SACS: variants seen among roughly 807,000 people sequenced by gnomAD.
The protein encoded by SACS is sacsin molecular chaperone, also known as sacsin.
A neutral mutation model predicts 348.0 loss-of-function variants in SACS; 197 were observed. The ratio of observed to expected loss-of-function variants is 0.57; its 90% CI spans 0.50 to 0.64. SACS has a LOEUF of 0.64. Ranked by LOEUF, SACS falls within the 30% of genes least tolerant of loss-of-function variation. The probability of loss-of-function intolerance (pLI) is 0.00; values close to 1 mark genes in which losing one functional copy is unlikely to be tolerated. For missense variants in SACS, 4,999 were observed against 5,360.8 expected (o/e 0.93, Z 2.11); for synonymous variants, 1,985 against 1,910.6 (o/e 1.04, Z -1.02).
At chr13:23,398,984 G>A (rs982074616) in intron 2 of SACS, among the ~76,000 whole-genome samples, 1 of 128,742 alleles carries the variant, frequency 7.8e-6, no homozygotes, top group Non-Finnish European at 1.6e-5. Flanking sequence ...TTGCGCCACT[G>A]CATTTCAGTC....
intron 1 of SACS, among the ~76,000 whole-genome samples, chr13:23,431,941 C>T (rs138509629): frequency 1.8e-3 from 276 of 152,312 alleles, no homozygotes; most frequent in African/African-American, 6.4e-3. Context: ...AGTGAGAAAA[C>T]GACAAAACTC....
At chr13:23,402,372 A>T (rs1014830624) in intron 2 of SACS, among the ~76,000 whole-genome samples, 8 of 152,184 alleles carry the variant, frequency 5.3e-5, no homozygotes, top group Non-Finnish European at 1.0e-4. Flanking sequence ...TATCTATAAC[A>T]GTTAAACTAC....
chr13:23,423,870 A>G (rs1874053976), intron 1 of SACS, among the ~76,000 whole-genome samples: 3 of 152,162 alleles, frequency 2.0e-5, no homozygotes, highest in African/African-American at 7.2e-5. Flanking sequence ...GTTTTTGTTA[A>G]ACAAGTTACA....
At chr13:23,346,604 T>A (rs1869624121) in intron 9 of SACS, among the ~76,000 whole-genome samples, 1 of 152,232 alleles carries the variant, frequency 6.6e-6, no homozygotes, top group South Asian at 2.1e-4. Context: ...CCAAGTCATT[T>A]GAATATGGTT....
chr13:23,414,230 G>C (rs76202007), intron 1 of SACS, among the ~76,000 whole-genome samples: 55 of 152,336 alleles, frequency 3.6e-4, no homozygotes, highest in African/African-American at 1.3e-3. Context: ...TGTGAACCCG[G>C]AAGGCGGAGC....
rs370230067 is a variant in SACS, at chr13:23,388,053, C to G, written c.21-12784G>C. ...AACAGTATGGAGATTCTTTAAAGAA[C>G]TAAAAGTAGATCTGCCATTCAATCC... On this transcript the variant is annotated intron_variant, in intron 2 of 9. Coordinates refer to ENST00000382292, the MANE Select transcript of SACS (RefSeq NM_014363.6). Among the ~76,000 whole-genome samples, 4 of 152,228 alleles carry G rather than the reference C, an allele frequency of 2.6e-5. No homozygotes were observed. In the East Asian group the frequency reaches 7.7e-4, roughly 29 times the overall value.
At chr13:23,379,555 C>G (rs184420621) in intron 2 of SACS, among the ~76,000 whole-genome samples, 14 of 152,300 alleles carry the variant, frequency 9.2e-5, no homozygotes, top group Non-Finnish European at 1.8e-4. Context: ...AATCTCTTCA[C>G]CTCAACCTCA....
rs763870704 is a variant in SACS at position 23,338,845 on chromosome 13, A to G, written c.5031T>C (p.Ser1677=). Residue 1677 remains serine (S), a synonymous_variant, in exon 10 of 10, where the codon AGT becomes AGC. Transcript: ENST00000382292. ...AAATGATAAGCCTGTGTCCACAGAG[A>G]CTAAATTCATCCACAAGAGAATAAA... is the stretch of plus-strand genomic sequence containing the variant. ...ADIYSLVDEF[S]LCGHRLIIFT... is the part of the protein sequence containing the mutation. The G allele has an allele frequency of 6.2e-7, 1 of 1,612,936 alleles. No individual in the cohort carries two copies. The highest frequency in any genetic ancestry group is 1.1e-5 in the South Asian group (1 of 90,988).
intron 2 of SACS, among the ~76,000 whole-genome samples, chr13:23,376,528 C>T (rs1025793967): frequency 2.6e-5 from 4 of 152,074 alleles, no homozygotes; most frequent in East Asian, 1.9e-4. Flanking sequence ...AATAAATTGC[C>T]ATTTCTCCCT....
At chr13:23,388,333 CAA>C (rs370915261) in intron 2 of SACS, among the ~76,000 whole-genome samples, 2 of 71,340 alleles carry the variant, frequency 2.8e-5, no homozygotes. Flanking sequence ...GACTTTGTCT[CAA>C]AAAAAAAAAA....
chr13:23,370,986 A>G (rs1871351392), intron 4 of SACS, 92 bp downstream of exon 4: 1 of 766,772 alleles, frequency 1.3e-6, no homozygotes, highest in South Asian at 1.8e-5. Context: ...GGCGAGACTC[A>G]GTTTCAAAAA....
chr13:23,398,599 G>T (rs1872811438), intron 2 of SACS, among the ~76,000 whole-genome samples: 1 of 151,962 alleles, frequency 6.6e-6, no homozygotes, highest in Admixed American at 6.6e-5. Flanking sequence ...CAAAGCAGGG[G>T]CTTCCAGGCT....
Position 23,330,017 on chromosome 13 carries a change from G to A in SACS, c.*119C>T. Reference sequence around the variant, plus strand: ...TCATAACAACTCCAGAATTCTCCAAGAACAATCTGCAATGTGCTTAACAAT... The same window carrying A: ...TCATAACAACTCCAGAATTCTCCAAAAACAATCTGCAATGTGCTTAACAAT... On this transcript the variant is annotated 3_prime_UTR_variant, in exon 10 of 10. Coordinates refer to ENST00000382292, the MANE Select transcript of SACS (RefSeq NM_014363.6). The A allele has an allele frequency of 1.1e-6, 1 of 917,570 alleles. No individual in the cohort carries two copies. Among genetic ancestry groups the A allele is most frequent in the Middle Eastern group, 3.2e-4 (1 of 3,120 alleles). 56.8% of individuals were successfully genotyped at this position (917,570 alleles called of 1,614,324 possible). A position where few individuals can be genotyped will look rare whatever the true frequency, so the allele number is the denominator to read the frequency against.
intron 1 of SACS, among the ~76,000 whole-genome samples, chr13:23,432,634 C>A (rs753123271): frequency 6.6e-5 from 10 of 152,148 alleles, no homozygotes; most frequent in Non-Finnish European, 1.3e-4. Context: ...ATCTACTTGT[C>A]ATGTGACAAA....
chr13:23,412,974 G>T (rs990957206), intron 1 of SACS, among the ~76,000 whole-genome samples: 6 of 152,104 alleles, frequency 3.9e-5, no homozygotes, highest in African/African-American at 1.2e-4. Context: ...TGAAAAATGA[G>T]AAACTTTTTT....
chr13:23,342,078 C>T (rs1389516720), intron 9 of SACS, among the ~76,000 whole-genome samples: 18 of 151,938 alleles, frequency 1.2e-4, no homozygotes, highest in African/African-American at 2.9e-4. Context: ...TGAGCCACCA[C>T]GCCCGGCCAG....
At chr13:23,348,578 G>C (rs1278317814) in intron 9 of SACS, among the ~76,000 whole-genome samples, 1 of 152,160 alleles carries the variant, frequency 6.6e-6, no homozygotes, top group Non-Finnish European at 1.5e-5. Context: ...AAGCAAAGAG[G>C]ATCATATGGA....
intron 5 of SACS, among the ~76,000 whole-genome samples, chr13:23,365,608 T>C (rs1001428014): frequency 6.6e-6 from 1 of 152,222 alleles, no homozygotes; most frequent in Non-Finnish European, 1.5e-5. Flanking sequence ...AATTATTCTA[T>C]TTCCAAAAGC....
chr13:23,429,431 C>T (rs1217148844), intron 1 of SACS, among the ~76,000 whole-genome samples: 1 of 130,942 alleles, frequency 7.6e-6, no homozygotes, highest in South Asian at 2.6e-4. Flanking sequence ...GGTGCGATAT[C>T]GGCTCACTGC....
Sources: gnomAD v4.1 joint callset for allele counts (sites outside exome capture counted in the v4.1 genomes callset) on GRCh38, gnomAD v4.1.1 for gene constraint, MANE v1.5 for transcripts, NCBI Gene and HGNC (gene_info 2026-07-23, HGNC 2026-07-21) for gene names.